The following FGF14 variants were observed in gnomAD, a reference collection of about 807,000 sequenced individuals.
The protein encoded by FGF14 is fibroblast growth factor 14.
A neutral mutation model predicts 25.5 loss-of-function variants in FGF14; 5 were observed. That is an observed-to-expected ratio of 0.20 (90% confidence interval 0.10 to 0.41). The LOEUF (loss-of-function observed/expected upper bound fraction) is 0.41, where lower values mean the gene tolerates loss of function less well. FGF14 is among the 10% of genes least tolerant of loss of function. The pLI is 1.00. For synonymous variants in FGF14, 138 were observed against 118.3 expected, an observed-to-expected ratio of 1.17 and a Z score of -1.08; for missense variants, 222 against 320.1, an observed-to-expected ratio of 0.69 and a Z score of 2.34.
chr13:101,740,505 T>TAGGAGGTC (rs1275690113), intron 3 of FGF14, among the ~76,000 whole-genome samples: 2 of 152,142 alleles, frequency 1.3e-5, no homozygotes, highest in East Asian at 3.9e-4. Context: ...GAGAAATATT[T>TAGGAGGTC]AGGAGGTCAG....
chr13:101,802,048 G>A (rs1197590808), intron 3 of FGF14: 2 of 370,694 alleles, frequency 5.4e-6, no homozygotes, highest in African/African-American at 2.1e-5. Context: ...GGAAAGATAA[G>A]TATAAATCTG....
chr13:102,082,148 C>T (rs1464714050), intron 1 of FGF14, among the ~76,000 whole-genome samples: 2 of 151,232 alleles, frequency 1.3e-5, no homozygotes, highest in African/African-American at 2.4e-5. Context: ...AAGACTACCA[C>T]ATTTTGTCAA....
intron 3 of FGF14, among the ~76,000 whole-genome samples, chr13:101,728,996 A>G (rs2035628633): frequency 6.6e-6 from 1 of 152,106 alleles, no homozygotes; most frequent in South Asian, 2.1e-4. Flanking sequence ...ATGGAAGAGA[A>G]GAAGATGCTT....
intron 3 of FGF14, among the ~76,000 whole-genome samples, chr13:101,817,772 G>T (rs1172409965): frequency 6.6e-6 from 1 of 152,108 alleles, no homozygotes; most frequent in Non-Finnish European, 1.5e-5. Context: ...TGCTGCATGA[G>T]TTTATACAAA....
At chr13:102,050,674 C>T (rs1027171638) in intron 1 of FGF14, among the ~76,000 whole-genome samples, 2 of 151,946 alleles carry the variant, frequency 1.3e-5, no homozygotes, top group Non-Finnish European at 2.9e-5. Context: ...AGCCTTCATC[C>T]CACACACACA....
intron 1 of FGF14, among the ~76,000 whole-genome samples, chr13:102,128,603 CAT>C (rs1491411226): frequency 2.0e-5 from 3 of 152,158 alleles, no homozygotes; most frequent in South Asian, 2.1e-4. Flanking sequence ...CCCATGAACA[CAT>C]GTTATCACTC....
chr13:102,257,350 T>TTC, intron 1 of FGF14, among the ~76,000 whole-genome samples: 1 of 123,186 alleles, frequency 8.1e-6, no homozygotes, highest in Non-Finnish European at 1.7e-5. Flanking sequence ...TTCTTTTTTT[T>TTC]TTTTTTTTTT....
At chr13:101,889,338 G>A (rs1441662472) in intron 1 of FGF14, among the ~76,000 whole-genome samples, 1 of 152,140 alleles carries the variant, frequency 6.6e-6, no homozygotes, top group Non-Finnish European at 1.5e-5. Context: ...CTGAGTTGTA[G>A]CACCCGGCTC....
chr13:102,067,811 A>G (rs2042967092), intron 1 of FGF14, among the ~76,000 whole-genome samples: 1 of 152,104 alleles, frequency 6.6e-6, no homozygotes, highest in African/African-American at 2.4e-5. Flanking sequence ...CAAGAAGGTT[A>G]TAGAATACCA....
intron 1 of FGF14, among the ~76,000 whole-genome samples, chr13:102,064,163 G>A (rs1214559082): frequency 1.3e-5 from 2 of 152,046 alleles, no homozygotes; most frequent in African/African-American, 4.8e-5. Flanking sequence ...TTTAAGATGG[G>A]TCTTAGAAAA....
intron 3 of FGF14, among the ~76,000 whole-genome samples, chr13:101,813,639 G>A (rs1326044095): frequency 1.3e-5 from 2 of 152,106 alleles, no homozygotes; most frequent in Non-Finnish European, 2.9e-5. Context: ...CATTTACAAT[G>A]CCCTTGCTAT....
chr13:102,084,005 A>G (rs540428952), intron 1 of FGF14, among the ~76,000 whole-genome samples: 1 of 152,014 alleles, frequency 6.6e-6, no homozygotes, highest in African/African-American at 2.4e-5. Flanking sequence ...TCATCTCCTA[A>G]TTCTCTACTT....
At chr13:101,804,952 A>G (rs1446429687) in intron 3 of FGF14, among the ~76,000 whole-genome samples, 2 of 152,198 alleles carry the variant, frequency 1.3e-5, no homozygotes, top group African/African-American at 2.4e-5. Context: ...AGCATACGGC[A>G]TCATTGTGCC....
chr13:102,086,174 G>C (rs768656922), intron 1 of FGF14, among the ~76,000 whole-genome samples: 7 of 152,146 alleles, frequency 4.6e-5, no homozygotes, highest in Admixed American at 6.5e-5. Context: ...CTGGTCTATA[G>C]TTACTCTCAA....
intron 3 of FGF14, among the ~76,000 whole-genome samples, chr13:101,794,381 G>C (rs1304158503): frequency 6.6e-6 from 1 of 151,982 alleles, no homozygotes; most frequent in East Asian, 1.9e-4. Context: ...ATTCCTGTTG[G>C]GTAGACTTTC....
At chr13:102,280,633 C>T (rs938384556) in intron 1 of FGF14, among the ~76,000 whole-genome samples, 5 of 152,174 alleles carry the variant, frequency 3.3e-5, no homozygotes, top group Admixed American at 6.5e-5. Context: ...CTGCCTTAGT[C>T]ACTGCAAACC....
At chr13:101,935,380 A>G (rs1300598222) in intron 1 of FGF14, among the ~76,000 whole-genome samples, 3 of 152,140 alleles carry the variant, frequency 2.0e-5, no homozygotes, top group African/African-American at 7.2e-5. Context: ...GCTGACCCCA[A>G]CTGCTATGGT....
At chr13:102,010,665 G>A (rs912550021) in intron 1 of FGF14, among the ~76,000 whole-genome samples, 14 of 152,110 alleles carry the variant, frequency 9.2e-5, no homozygotes, top group Non-Finnish European at 2.9e-5. Flanking sequence ...ATCACTTACC[G>A]GCTACAATAC....
intron 1 of FGF14, among the ~76,000 whole-genome samples, chr13:102,368,771 T>C (rs903045334): frequency 1.3e-5 from 2 of 152,228 alleles, no homozygotes; most frequent in African/African-American, 2.4e-5. Flanking sequence ...GTAATGTTGA[T>C]ATTAAAGGCC....
Sources: gnomAD v4.1 joint callset for allele counts (sites outside exome capture counted in the v4.1 genomes callset) on GRCh38, gnomAD v4.1.1 for gene constraint, MANE v1.5 for transcripts, NCBI Gene and HGNC (gene_info 2026-07-23, HGNC 2026-07-21) for gene names.